The following FAM20C variants were observed in gnomAD, a reference collection of about 807,000 sequenced individuals.
FAM20C encodes the protein FAM20C golgi associated secretory pathway kinase.
A neutral mutation model predicts 51.5 loss-of-function variants in FAM20C; 40 were observed. That is an observed-to-expected ratio of 0.78 (90% CI 0.60 to 1.01). FAM20C has a LOEUF of 1.01. Among genes scored for constraint, FAM20C ranks in the 50% least tolerant of loss-of-function variants. FAM20C has a pLI of 0.00. For synonymous variants in FAM20C, 406 were observed against 380.6 expected (o/e 1.07, Z -0.78); for missense variants, 861 against 844.7 (o/e 1.02, Z -0.24).
intron 3 of FAM20C, among the ~76,000 whole-genome samples, chr7:209,373 C>T (rs1207418384): frequency 6.6e-6 from 1 of 152,226 alleles, no homozygotes; most frequent in East Asian, 1.9e-4. Flanking sequence ...GCAGCTATTT[C>T]AGGCTTTGCA....
In FAM20C at chr7:195,673, A is replaced by T; in HGVS notation, c.725A>T (p.His242Leu). ...AACCGGTACGAGCTGTACTCCAGAC[A>T]CAACCCGGCCATCGAGGCCCTGCTG... The part of the protein sequence containing the change: ...GINRYELYSR[H>L]NPAIEALLHD... The change falls in exon 2 of 10, where the codon CAC becomes CTC. Residue 242 changes from histidine to leucine, a missense_variant. Physicochemically the swap from His to Leu is moderately conservative, Grantham distance 99. Transcript: ENST00000313766. The T allele has an allele frequency of 6.2e-7, 1 of 1,611,156 alleles. No individual in the cohort carries two copies. Among genetic ancestry groups the T allele is most frequent in the Non-Finnish European group, 8.5e-7 (1 of 1,178,744 alleles).
chr7:209,008 A>T, intron 3 of FAM20C, 32 bp downstream of exon 3: 2 of 1,559,514 alleles, frequency 1.3e-6, no homozygotes, highest in Non-Finnish European at 1.7e-6. Flanking sequence ...CTGGGGCGTG[A>T]GGAGCTGGAG....
rs547807487 is a variant in FAM20C, at chr7:251,671, G to T, written c.1072+3241G>T. Among the ~76,000 whole-genome samples, 6 of 152,290 alleles carry T rather than the reference G, an allele frequency of 3.9e-5. No homozygotes were observed. In the East Asian group the frequency reaches 1.2e-3, roughly 29 times the overall value. On this transcript the variant is annotated intron_variant, in intron 5 of 9. Transcript: ENST00000313766. ...GCCCCTGAGCTCTGTGCTGCAAGGC[G>T]GCCATCGACCACCTTTGGTGCCGTT...
chr7:211,933 G>A (rs571357256), intron 3 of FAM20C, among the ~76,000 whole-genome samples: 2 of 152,164 alleles, frequency 1.3e-5, no homozygotes, highest in East Asian at 3.9e-4. Context: ...TCTCACCGCC[G>A]CCCCCCAGGT....
intron 1 of FAM20C, 131 bp from the exon 2 acceptor site, chr7:195,423 A>T (rs941910371): frequency 3.7e-6 from 3 of 821,106 alleles, no homozygotes; most frequent in Admixed American, 3.9e-5. Context: ...CTTTAAGCAG[A>T]GGCGCCTTCA....
chr7:199,556 A>T (rs1010654661), intron 2 of FAM20C, among the ~76,000 whole-genome samples: 2 of 152,224 alleles, frequency 1.3e-5, no homozygotes, highest in Non-Finnish European at 1.5e-5. Context: ...GTTGTAATGG[A>T]GAACGATGCC....
intron 3 of FAM20C, among the ~76,000 whole-genome samples, chr7:230,894 G>A (rs1156769458): frequency 6.6e-6 from 1 of 152,132 alleles, no homozygotes; most frequent in African/African-American, 2.4e-5. Context: ...GTAAATGAAG[G>A]GAAAAGCGCC....
chr7:249,874 C>T (rs949694249), intron 5 of FAM20C, among the ~76,000 whole-genome samples: 5 of 152,194 alleles, frequency 3.3e-5, no homozygotes, highest in Non-Finnish European at 7.3e-5. Flanking sequence ...TGGCTGAGCT[C>T]TGGGGACACT....
chr7:208,996 G>A lies in FAM20C; in HGVS notation c.863+20G>A, dbSNP rs1434079964. ...CATGAAGTAAGTGCCGAGGCCTGTG[G>A]GCTGGGGCGTGAGGAGCTGGAGCTG... On this transcript the variant is annotated intron_variant, in intron 3 of 9. Coordinates refer to ENST00000313766, the MANE Select transcript of FAM20C (RefSeq NM_020223.4). 7.7e-6 allele frequency: 12 copies of A among 1,567,496 alleles called. No homozygotes were observed. Among genetic ancestry groups the A allele is most frequent in the Middle Eastern group, 1.7e-4 (1 of 6,002 alleles).
intron 5 of FAM20C, among the ~76,000 whole-genome samples, chr7:251,090 G>A (rs1307090334): frequency 6.6e-6 from 1 of 152,248 alleles, no homozygotes; most frequent in Non-Finnish European, 1.5e-5. Context: ...TCCTCATTTT[G>A]TTGTAAAATG....
chr7:225,970 C>T lies in FAM20C; in HGVS notation c.863+16994C>T, dbSNP rs193033040. Among the ~76,000 whole-genome samples the T allele has an allele frequency of 1.0e-4, 9 of 88,006 alleles. 1 individual carries two copies. The highest frequency in any genetic ancestry group is 2.1e-4 in the Non-Finnish European group (8 of 38,044). 57.7% of individuals were successfully genotyped at this position (88,006 alleles called of 152,430 possible). On this transcript the variant is annotated intron_variant, in intron 3 of 9. Coordinates refer to ENST00000313766, the MANE Select transcript of FAM20C (RefSeq NM_020223.4). Reference sequence around the variant, plus strand: ...CTTCTCTCATTGCGCAGAATGGCACCCTCATGGGGTCGCACGGCGGCTGTC... The same window carrying T: ...CTTCTCTCATTGCGCAGAATGGCACTCTCATGGGGTCGCACGGCGGCTGTC...
Position 257,173 on chromosome 7 carries a change from G to C in FAM20C, c.1445+87G>C, listed in dbSNP as rs548154406. 6 of 1,272,430 alleles carry C rather than the reference G, an allele frequency of 4.7e-6. No individual in the cohort carries two copies. The African/African-American group carries it at 8.9e-5, about 19-fold the overall frequency. The allele number at this position is 1,272,430 out of a possible 1,614,324, so 78.8% of individuals were successfully genotyped here. A position where few individuals can be genotyped will look rare whatever the true frequency, so the allele number is the denominator to read the frequency against. The stretch of plus-strand genomic sequence containing the variant: ...GCCCACCTGAGACCCTGGGGACGGG[G>C]GGAGCAGACCCTCCAGTGGAGGGAT... On this transcript the variant is annotated intron_variant, in intron 8 of 9. Transcript: ENST00000313766.
At chr7:234,815 C>T (rs1207194511) in intron 3 of FAM20C, among the ~76,000 whole-genome samples, 3 of 152,172 alleles carry the variant, frequency 2.0e-5, no homozygotes, top group African/African-American at 7.2e-5. Flanking sequence ...CCTCTGTGGG[C>T]CAGCGAGCTC....
At chr7:230,382 G>T (rs117698526) in intron 3 of FAM20C, among the ~76,000 whole-genome samples, 1 of 59,268 alleles carries the variant, frequency 1.7e-5, no homozygotes, top group Non-Finnish European at 4.2e-5. Context: ...TGGGGGGGGG[G>T]GGGAACAGAT....
chr7:236,500 T>A (rs1356586182), intron 3 of FAM20C, among the ~76,000 whole-genome samples: 1 of 152,014 alleles, frequency 6.6e-6, no homozygotes, highest in African/African-American at 2.4e-5. Flanking sequence ...CTGCAAAAAT[T>A]TCCCCCCTTC....
At chr7:245,217 G>T (rs1326385483) in intron 3 of FAM20C, among the ~76,000 whole-genome samples, 6 of 152,266 alleles carry the variant, frequency 3.9e-5, no homozygotes, top group Non-Finnish European at 5.9e-5. Context: ...CATTGCTGGA[G>T]TGTTGGAGCC....
rs371456465 is a variant in FAM20C, at chr7:214,943, G to A, written c.863+5967G>A. 1.1e-4 allele frequency among the ~76,000 whole-genome samples: 17 copies of A among 152,228 alleles called. No homozygotes were observed. The East Asian group carries it at 1.6e-3, about 14-fold the overall frequency. On this transcript the variant is annotated intron_variant, in intron 3 of 9. Coordinates refer to ENST00000313766, the MANE Select transcript of FAM20C (RefSeq NM_020223.4). The stretch of plus-strand genomic sequence containing the variant: ...CTCGGAGTGCCGGGCCTGGCCTCCC[G>A]CCAGGCACTGGGAACACAGATGTGA...
rs1042913138 is a variant in FAM20C at position 258,668 on chromosome 7, G to A, written c.1468G>A (p.Glu490Lys). 25 of 1,536,588 alleles carry A rather than the reference G, an allele frequency of 1.6e-5. No homozygotes were observed. In the Admixed American group the frequency reaches 2.6e-4, roughly 16 times the overall value. The change falls in exon 9 of 10, where the codon GAG (glutamate) becomes AAG (lysine). Residue 490 changes from glutamate to lysine, a missense_variant. By Grantham distance (56) the Glu-to-Lys change is moderately conservative. Around this residue, in one of 3 missense-constraint regions of FAM20C, gnomAD observed 269 missense variants for 283.8 expected, o/e 0.95. Coordinates refer to ENST00000313766, the MANE Select transcript of FAM20C (RefSeq NM_020223.4). ...AAGGTTTGGGAAGTATTCGCACGACGAGCTCTCCATCCTGGTGCCGCTACA... is the reference window on the plus strand; with the variant it reads ...AAGGTTTGGGAAGTATTCGCACGACAAGCTCTCCATCCTGGTGCCGCTACA... The part of the protein sequence containing the change: ...GRGFGKYSHD[E>K]LSILVPLQQC...
chr7:215,230 G>A lies in FAM20C; in HGVS notation c.863+6254G>A, dbSNP rs187944840. 2.1e-4 allele frequency among the ~76,000 whole-genome samples: 10 copies of A among 48,110 alleles called. 2 individuals are homozygous for A. Among genetic ancestry groups the A allele is most frequent in the Non-Finnish European group, 4.8e-4 (10 of 20,680 alleles). 31.6% of individuals were successfully genotyped at this position (48,110 alleles called of 152,430 possible). A position where few individuals can be genotyped will look rare whatever the true frequency, so the allele number is the denominator to read the frequency against. On this transcript the variant is annotated intron_variant, in intron 3 of 9. Coordinates refer to ENST00000313766, the MANE Select transcript of FAM20C (RefSeq NM_020223.4). ...CCACAGAGTTTAGAGGCTCCAGCTG[G>A]GGGGGGGAGCAGGGCCCCTGGTGTA...
Sources: gnomAD v4.1 joint callset for allele counts (sites outside exome capture counted in the v4.1 genomes callset) on GRCh38, gnomAD v4.1.1 for gene constraint, gnomAD v4.1.1 regional missense constraint, MANE v1.5 for transcripts, NCBI Gene and HGNC (gene_info 2026-07-23, HGNC 2026-07-21) for gene names.